Variants in BCKDHA observed in about 807,000 individuals in gnomAD.
The protein encoded by BCKDHA is branched chain keto acid dehydrogenase E1 subunit alpha.
In BCKDHA, 43 loss-of-function variants were observed where a neutral mutation model predicts 52.2. The observed-to-expected ratio is 0.82, with a 90% CI of 0.64 to 1.06. BCKDHA has a LOEUF of 1.06. Among genes scored for constraint, BCKDHA ranks in the 50% least tolerant of loss-of-function variants. The probability of loss-of-function intolerance (pLI) is 0.00; values close to 1 mark genes in which losing one functional copy is unlikely to be tolerated. For synonymous variants in BCKDHA, 234 were observed against 247.9 expected (o/e 0.94, Z 0.53); for missense variants, 527 against 621.3 (o/e 0.85, Z 1.61).
chr19:41,415,315 G>T (rs2039296421), intron 4 of BCKDHA: 1 of 152,316 alleles, frequency 6.6e-6, no homozygotes. Flanking sequence ...TTTGCTGAAG[G>T]GTTCTCTTGT....
At chr19:41,406,123 G>A (rs2039190034) in intron 1 of BCKDHA, among the ~76,000 whole-genome samples, 1 of 152,136 alleles carries the variant, frequency 6.6e-6, no homozygotes. Context: ...CCCTGGGGCT[G>A]GGGACTACCA....
chr19:41,404,589 T>C (rs1028074529), intron 1 of BCKDHA, among the ~76,000 whole-genome samples: 1 of 149,288 alleles, frequency 6.7e-6, no homozygotes, highest in African/African-American at 2.5e-5. Context: ...ACGCCCAGCC[T>C]AATTTTATTT....
intron 1 of BCKDHA, 23 bp downstream of exon 1, chr19:41,397,958 G>T (rs2039094403): frequency 6.2e-7 from 1 of 1,606,854 alleles, no homozygotes; most frequent in African/African-American, 1.3e-5. Flanking sequence ...GCCCCAGGCG[G>T]TTTTCCCAAA....
intron 1 of BCKDHA, among the ~76,000 whole-genome samples, chr19:41,405,178 A>T (rs2039179578): frequency 6.6e-6 from 1 of 152,212 alleles, no homozygotes; most frequent in Admixed American, 6.5e-5. Context: ...GGGCTGAGCA[A>T]TCCACACAGG....
At chr19:41,415,197 G>A (rs13346233) in intron 4 of BCKDHA, among the ~76,000 whole-genome samples, 1,648 of 152,344 alleles carry the variant, frequency 0.011, 35 homozygotes, top group African/African-American at 0.037. Context: ...GAGGGCAAAC[G>A]CCCTGTGGTG....
intron 1 of BCKDHA, among the ~76,000 whole-genome samples, chr19:41,400,518 G>A (rs151282736): frequency 6.6e-6 from 1 of 151,290 alleles, no homozygotes; most frequent in East Asian, 2.0e-4. Context: ...GGGATTACAG[G>A]CATAAGCCAC....
At chr19:41,422,391 T>G in intron 6 of BCKDHA, 21 bp downstream of exon 6, 1 of 1,613,624 alleles carries the variant, frequency 6.2e-7, no homozygotes, top group Non-Finnish European at 8.5e-7. Flanking sequence ...TGCTGGCTGC[T>G]CCCCACCCCG....
At chr19:41,407,196 G>A (rs1187704439) in intron 1 of BCKDHA, among the ~76,000 whole-genome samples, 1 of 152,122 alleles carries the variant, frequency 6.6e-6, no homozygotes, top group East Asian at 1.9e-4. Context: ...CCAGATCGGT[G>A]CTGAACCCCT....
chr19:41,414,078 TGGTGAGGA>T lies in BCKDHA; in HGVS notation c.408_415del (p.Glu137HisfsTer45), dbSNP rs2039283528. 6.2e-7 allele frequency: 1 copy of T among 1,613,626 alleles called. No individual in the cohort carries two copies. ...GGATCTCCTTCTACATGACCAACTA[TGGTGAGGA>T]GGGCACGCACGTGGGGAGTGCCGCC... On this transcript the variant is annotated frameshift_variant, in exon 4 of 9. Transcript: ENST00000269980. LOFTEE classifies it high-confidence loss of function.
chr19:41,408,958 C>CT (rs1245822737), intron 1 of BCKDHA, among the ~76,000 whole-genome samples: 2 of 150,230 alleles, frequency 1.3e-5, no homozygotes, highest in Non-Finnish European at 3.0e-5. Flanking sequence ...TGCCTTTTGT[C>CT]TTTTTTTGTG....
chr19:41,416,250 A>C (rs1300423219), intron 4 of BCKDHA, among the ~76,000 whole-genome samples: 1 of 152,054 alleles, frequency 6.6e-6, no homozygotes, highest in Non-Finnish European at 1.5e-5. Context: ...GGGCCAGCCA[A>C]GGTGCTGTTA....
chr19:41,401,978 A>C (rs192345947), intron 1 of BCKDHA, among the ~76,000 whole-genome samples: 1 of 152,290 alleles, frequency 6.6e-6, no homozygotes, highest in East Asian at 1.9e-4. Context: ...TTTATAAAGA[A>C]AAAGAGGCTT....
intron 1 of BCKDHA, among the ~76,000 whole-genome samples, chr19:41,400,591 C>T (rs1394242241): frequency 6.6e-6 from 1 of 151,888 alleles, no homozygotes; most frequent in Non-Finnish European, 1.5e-5. Flanking sequence ...GCCATGTTTT[C>T]CAGGCTGGTC....
intron 1 of BCKDHA, among the ~76,000 whole-genome samples, chr19:41,405,680 C>G (rs1331121278): frequency 1.3e-5 from 2 of 152,162 alleles, no homozygotes; most frequent in African/African-American, 4.8e-5. Flanking sequence ...TTGCCTCAGC[C>G]TCCAGAGTAG....
At chr19:41,401,322 C>T (rs1250422915) in intron 1 of BCKDHA, among the ~76,000 whole-genome samples, 1 of 151,974 alleles carries the variant, frequency 6.6e-6, no homozygotes, top group African/African-American at 2.4e-5. Flanking sequence ...GCGACCCACC[C>T]ACCTCGGCCT....
chr19:41,406,750 A>G (rs1194148693), intron 1 of BCKDHA, among the ~76,000 whole-genome samples: 2 of 151,918 alleles, frequency 1.3e-5, no homozygotes, highest in Non-Finnish European at 2.9e-5. Flanking sequence ...TTGTATTTTT[A>G]GTAGAGACAG....
chr19:41,422,055 T>C lies in BCKDHA; in HGVS notation c.647-109T>C, dbSNP rs947428488. 18 of 1,073,922 alleles carry C rather than the reference T, an allele frequency of 1.7e-5. No homozygotes were observed. In the African/African-American group the frequency reaches 2.8e-4, roughly 17 times the overall value. The allele number at this position is 1,073,922 out of a possible 1,614,324, so 66.5% of individuals were successfully genotyped here. A position where few individuals can be genotyped will look rare whatever the true frequency, so the allele number is the denominator to read the frequency against. On this transcript the variant is annotated intron_variant, in intron 5 of 8. Coordinates refer to ENST00000269980, the MANE Select transcript of BCKDHA (RefSeq NM_000709.4). ...AGGTGTTTCCTTTCCCCTTGAAGCC[T>C]GGTGACTGCTGGCCTGAGCCACGCT...
intron 7 of BCKDHA, 95 bp downstream of exon 7, chr19:41,422,865 T>C (rs1295492190): frequency 5.6e-6 from 9 of 1,594,720 alleles, no homozygotes; most frequent in Non-Finnish European, 7.7e-6. Flanking sequence ...CATGGCCTTA[T>C]CACCTGATGT....
At chr19:41,398,705 G>A (rs946881054) in intron 1 of BCKDHA, among the ~76,000 whole-genome samples, 1 of 152,196 alleles carries the variant, frequency 6.6e-6, no homozygotes, top group Admixed American at 6.5e-5. Context: ...CTAGGTGGAA[G>A]CCTATCTTTA....
Sources: gnomAD v4.1 joint callset for allele counts (sites outside exome capture counted in the v4.1 genomes callset) on GRCh38, gnomAD v4.1.1 for gene constraint, MANE v1.5 for transcripts, NCBI Gene and HGNC (gene_info 2026-07-23, HGNC 2026-07-21) for gene names.